Variants in DIP2C observed in about 807,000 individuals in gnomAD.
The protein encoded by DIP2C is DIP2 acetate--CoA ligase C (putative), also known as disco-interacting protein 2 homolog C.
In DIP2C, 33 loss-of-function variants were observed where a neutral mutation model predicts 192.4. That is an observed-to-expected ratio of 0.17 (90% CI 0.13 to 0.23). The LOEUF is 0.23. Ranked by LOEUF, DIP2C falls within the 10% of genes least tolerant of loss-of-function variation. DIP2C has a pLI of 1.00. For missense variants in DIP2C, 1,537 were observed against 2,110.1 expected (o/e 0.73, Z 5.32); for synonymous variants, 979 against 864.1 (o/e 1.13, Z -2.33).
At chr10:571,970 G>A (rs74115062) in intron 1 of DIP2C, among the ~76,000 whole-genome samples, 12,845 of 152,258 alleles carry the variant, frequency 0.084, 889 homozygotes, top group African/African-American at 0.19. Flanking sequence ...TAAGCATTCC[G>A]AAATATGTTC....
At chr10:614,594 C>G (rs548541653) in intron 1 of DIP2C, among the ~76,000 whole-genome samples, 6 of 152,200 alleles carry the variant, frequency 3.9e-5, no homozygotes, top group Non-Finnish European at 8.8e-5. Flanking sequence ...TCTGCTCGGC[C>G]GACACAAAGA....
intron 1 of DIP2C, among the ~76,000 whole-genome samples, chr10:597,370 CTG>C (rs1281044034): frequency 2.0e-5 from 3 of 146,576 alleles, no homozygotes; most frequent in South Asian, 2.1e-4. Context: ...CGGGCTGGCT[CTG>C]TCTCTCTGGA....
rs746350846 is a variant in DIP2C, at chr10:349,233, C to T, written c.3109+98G>A. 2.0e-4 allele frequency: 301 copies of T among 1,496,956 alleles called. 1 individual carries two copies. The highest frequency in any genetic ancestry group is 2.6e-4 in the Non-Finnish European group (286 of 1,114,856). The allele number at this position is 1,496,956 out of a possible 1,614,324, so 92.7% of individuals were successfully genotyped here. A position where few individuals can be genotyped will look rare whatever the true frequency, so the allele number is the denominator to read the frequency against. On this transcript the variant is annotated intron_variant, in intron 25 of 36. Coordinates refer to ENST00000280886, the MANE Select transcript of DIP2C (RefSeq NM_014974.3). ...ACAGTGCAGACTCCCAGCCATGACGCGACCCTCGGCTCAGGCACCAGCGGG... is the reference window on the plus strand; with the variant it reads ...ACAGTGCAGACTCCCAGCCATGACGTGACCCTCGGCTCAGGCACCAGCGGG...
chr10:384,741 G>A, intron 14 of DIP2C, 102 bp from the exon 15 acceptor site: 1 of 1,186,888 alleles, frequency 8.4e-7, no homozygotes, highest in Non-Finnish European at 1.2e-6. Context: ...GCAGGGGGGA[G>A]CTCTCAGGGA....
intron 1 of DIP2C, among the ~76,000 whole-genome samples, chr10:685,162 ATATATATATATATATAT>A (rs1405890842): frequency 1.8e-4 from 3 of 16,766 alleles, no homozygotes; most frequent in Non-Finnish European, 2.4e-4. Context: ...AAAAAAAAAA[ATATATATATATATATAT>A]ATATATACAT....
At chr10:324,799 A>G (rs972725319) in intron 31 of DIP2C, 5 of 407,978 alleles carry the variant, frequency 1.2e-5, no homozygotes, top group Non-Finnish European at 2.6e-5. Flanking sequence ...CCTGGTGCCG[A>G]GGTAAGGACG....
intron 24 of DIP2C, 172 bp downstream of exon 24, chr10:356,254 A>G: frequency 1.3e-6 from 1 of 740,916 alleles, no homozygotes; most frequent in Non-Finnish European, 2.3e-6. Context: ...ACAAATGGTT[A>G]CGTTTAAAAA....
Position 345,006 on chromosome 10 carries a change from C to T in DIP2C, c.3336G>A (p.Leu1112=). 1.2e-6 allele frequency: 2 copies of T among 1,612,406 alleles called. No individual in the cohort carries two copies. Among genetic ancestry groups the T allele is most frequent in the South Asian group, 2.2e-5 (2 of 90,610 alleles). Residue 1112 remains leucine (L), a synonymous_variant, in exon 27 of 37, where the codon CTG becomes CTA. Coordinates refer to ENST00000280886, the MANE Select transcript of DIP2C (RefSeq NM_014974.3). ...AVDVRTWPLI[L]DTDDLPKKRP... ...TGCAGCTAAAGCACCAACCTGTGTC[C>T]AGGATGAGGGGCCACGTCCTGACGT...
chr10:290,594 G>C (rs929746725), intron 32 of DIP2C, among the ~76,000 whole-genome samples: 2 of 152,204 alleles, frequency 1.3e-5, no homozygotes, highest in South Asian at 2.1e-4. Context: ...CGGCCAAGTG[G>C]AGTCAAAAGC....
intron 1 of DIP2C, among the ~76,000 whole-genome samples, chr10:541,886 T>C (rs1457170701): frequency 6.6e-6 from 1 of 152,086 alleles, no homozygotes; most frequent in African/African-American, 2.4e-5. Flanking sequence ...CCCCCTCACC[T>C]CACTTCCTCA....
At chr10:534,443 CCTT>C (rs1257548298) in intron 1 of DIP2C, among the ~76,000 whole-genome samples, 3 of 152,314 alleles carry the variant, frequency 2.0e-5, no homozygotes, top group South Asian at 2.1e-4. Context: ...GTGAAGAAAT[CCTT>C]CTCTTTTTGT....
At chr10:515,585 G>A (rs1018787576) in intron 1 of DIP2C, among the ~76,000 whole-genome samples, 3 of 152,096 alleles carry the variant, frequency 2.0e-5, no homozygotes, top group East Asian at 1.9e-4. Flanking sequence ...TTAGCCAAGC[G>A]TGGTGGCATA....
chr10:624,095 G>T (rs992830855), intron 1 of DIP2C, among the ~76,000 whole-genome samples: 1 of 152,232 alleles, frequency 6.6e-6, no homozygotes, highest in African/African-American at 2.4e-5. Flanking sequence ...GCGAGGACTC[G>T]GGAACTGCCC....
At chr10:370,565 A>G (rs1302630903) in intron 17 of DIP2C, among the ~76,000 whole-genome samples, 1 of 152,222 alleles carries the variant, frequency 6.6e-6, no homozygotes, top group Non-Finnish European at 1.5e-5. Flanking sequence ...TGTTTTGCTC[A>G]CTGCTGCATC....
intron 1 of DIP2C, among the ~76,000 whole-genome samples, chr10:563,971 T>A (rs1166995834): frequency 1.3e-5 from 2 of 152,196 alleles, no homozygotes; most frequent in Non-Finnish European, 2.9e-5. Context: ...ACTGAAGAAT[T>A]AAAGTCTGTG....
Position 421,730 on chromosome 10 carries a change from A to G in DIP2C, c.604+1094T>C, listed in dbSNP as rs539545942. 1.0e-3 allele frequency among the ~76,000 whole-genome samples: 155 copies of G among 152,346 alleles called. 1 individual carries two copies. In the South Asian group the frequency reaches 0.032, roughly 31 times the overall value. On this transcript the variant is annotated intron_variant, in intron 5 of 36. Coordinates refer to ENST00000280886, the MANE Select transcript of DIP2C (RefSeq NM_014974.3). ...ATACTCACAACAGTTCTGAGAGAGA[A>G]AAAAGAAATGGTTTTTTTCATTTTT...
intron 1 of DIP2C, among the ~76,000 whole-genome samples, chr10:625,381 T>A (rs1854132197): frequency 6.6e-6 from 1 of 152,196 alleles, no homozygotes; most frequent in Non-Finnish European, 1.5e-5. Context: ...TAGGAGCCGA[T>A]TCCTAAATTA....
chr10:592,715 T>C (rs1851474546), intron 1 of DIP2C, among the ~76,000 whole-genome samples: 1 of 152,182 alleles, frequency 6.6e-6, no homozygotes, highest in Admixed American at 6.5e-5. Context: ...ACTATTACTA[T>C]GAAAATTCTA....
chr10:569,114 C>T (rs1849628172), intron 1 of DIP2C, among the ~76,000 whole-genome samples: 2 of 152,192 alleles, frequency 1.3e-5, no homozygotes, highest in Non-Finnish European at 2.9e-5. Context: ...ATCCCCGAGC[C>T]TTGGCCAGGG....
Sources: gnomAD v4.1 joint callset for allele counts (sites outside exome capture counted in the v4.1 genomes callset) on GRCh38, gnomAD v4.1.1 for gene constraint, MANE v1.5 for transcripts, NCBI Gene and HGNC (gene_info 2026-07-23, HGNC 2026-07-21) for gene names.